DLG2: variants seen among roughly 807,000 people sequenced by gnomAD.
DLG2 encodes discs large MAGUK scaffold protein 2.
Under a neutral mutation model 132.5 loss-of-function variants are expected in DLG2, and 45 were observed. The ratio of observed to expected loss-of-function variants is 0.34; its 90% CI spans 0.27 to 0.44. DLG2 has a LOEUF of 0.44. DLG2 is among the 20% of genes least tolerant of loss of function. DLG2 has a pLI of 1.00. For missense variants in DLG2, 1,045 were observed against 1,196.9 expected, an observed-to-expected ratio of 0.87 and a Z score of 1.87; for synonymous variants, 424 against 419.6, an observed-to-expected ratio of 1.01 and a Z score of -0.13.
chr11:84,384,209 C>G (rs1057082267), intron 7 of DLG2, among the ~76,000 whole-genome samples: 1 of 150,318 alleles, frequency 6.7e-6, no homozygotes, highest in Non-Finnish European at 1.5e-5. Flanking sequence ...GCTATTTCAA[C>G]GTTAATAATC....
chr11:84,192,017 T>A (rs1048080087), intron 8 of DLG2, among the ~76,000 whole-genome samples: 8 of 152,130 alleles, frequency 5.3e-5, no homozygotes, highest in African/African-American at 1.9e-4. Flanking sequence ...AATAGCACTA[T>A]ACAGATTTGC....
chr11:84,186,437 A>C (rs1022241520), intron 8 of DLG2, among the ~76,000 whole-genome samples: 9 of 152,022 alleles, frequency 5.9e-5, no homozygotes, highest in South Asian at 2.1e-4. Flanking sequence ...GGACAAAAAG[A>C]GTCTTCCCAA....
chr11:83,725,024 GC>G, intron 18 of DLG2: 1 of 640,218 alleles, frequency 1.6e-6, no homozygotes, highest in Non-Finnish European at 2.9e-6. Context: ...TAGGAGTGAA[GC>G]AGGTAGGGCT....
At chr11:83,856,018 T>C (rs993707100) in intron 16 of DLG2, among the ~76,000 whole-genome samples, 1 of 152,148 alleles carries the variant, frequency 6.6e-6, no homozygotes, top group African/African-American at 2.4e-5. Context: ...CCCCAGTGTG[T>C]GTTGTTCCCC....
At position 84,099,764 on chromosome 11, in the gene DLG2, T is replaced by C. The variant is rs529194382; in HGVS notation, c.625-717A>G. Among the ~76,000 whole-genome samples the C allele has an allele frequency of 4.2e-4, 61 of 146,766 alleles. 1 individual carries two copies. Among genetic ancestry groups the C allele is most frequent in the African/African-American group, 1.3e-3 (54 of 40,208 alleles). On this transcript the variant is annotated intron_variant, in intron 9 of 27. Coordinates refer to ENST00000376104, the MANE Select transcript of DLG2 (RefSeq NM_001142699.3). ...GTATATATATATACATATATACATATATATACATACATCGCTTTCTAAAGA... is the reference window on the plus strand; with the variant it reads ...GTATATATATATACATATATACATACATATACATACATCGCTTTCTAAAGA...
intron 4 of DLG2, among the ~76,000 whole-genome samples, chr11:85,274,845 T>C (rs2077784933): frequency 6.6e-6 from 1 of 152,222 alleles, no homozygotes; most frequent in East Asian, 1.9e-4. Flanking sequence ...AAAAGAATGC[T>C]GCACAGAGAG....
At chr11:84,608,555 C>T (rs1458957465) in intron 6 of DLG2, among the ~76,000 whole-genome samples, 1 of 152,082 alleles carries the variant, frequency 6.6e-6, no homozygotes, top group Non-Finnish European at 1.5e-5. Flanking sequence ...CCAGTTATGG[C>T]TAAATTTGGA....
At chr11:85,542,875 G>A (rs1718813294) in intron 3 of DLG2, among the ~76,000 whole-genome samples, 1 of 152,216 alleles carries the variant, frequency 6.6e-6, no homozygotes, top group South Asian at 2.1e-4. Context: ...TAAGTTGTAT[G>A]TAGTCATATG....
At chr11:85,315,389 A>C (rs2080592144) in intron 3 of DLG2, among the ~76,000 whole-genome samples, 3 of 151,610 alleles carry the variant, frequency 2.0e-5, no homozygotes, top group African/African-American at 7.3e-5. Flanking sequence ...AGCTGCAAGG[A>C]CTCCCTGCAT....
intron 9 of DLG2, among the ~76,000 whole-genome samples, chr11:84,125,374 T>C (rs1165720836): frequency 6.6e-6 from 1 of 152,208 alleles, no homozygotes; most frequent in Admixed American, 6.5e-5. Flanking sequence ...GTACTTCCGA[T>C]GGTGCTTCAA....
chr11:83,511,560 G>A (rs964530095), intron 21 of DLG2, among the ~76,000 whole-genome samples: 1 of 151,884 alleles, frequency 6.6e-6, no homozygotes, highest in African/African-American at 2.4e-5. Context: ...GCATGAAAGG[G>A]GTTAGCATGG....
chr11:83,682,696 C>G (rs1435612422), intron 18 of DLG2, among the ~76,000 whole-genome samples: 1 of 152,098 alleles, frequency 6.6e-6, no homozygotes, highest in Non-Finnish European at 1.5e-5. Flanking sequence ...CATAGCCTGT[C>G]ACAGTCTACC....
intron 7 of DLG2, among the ~76,000 whole-genome samples, chr11:84,333,774 T>C (rs2098471644): frequency 6.6e-6 from 1 of 152,246 alleles, no homozygotes; most frequent in South Asian, 2.1e-4. Flanking sequence ...AGATCTCCTT[T>C]AATCCTAGTA....
intron 4 of DLG2, among the ~76,000 whole-genome samples, chr11:85,185,288 C>T (rs1353155620): frequency 6.6e-6 from 1 of 151,894 alleles, no homozygotes; most frequent in African/African-American, 2.4e-5. Flanking sequence ...TATAAAGAAG[C>T]TCTTGCTTAC....
Position 83,542,994 on chromosome 11 carries a change from A to G in DLG2, c.1941-1136T>C, listed in dbSNP as rs189566495. On this transcript the variant is annotated intron_variant, in intron 19 of 27. Transcript: ENST00000376104. ...TTTAGATTTTTCCACACTGAGGACC[A>G]AGTGTGGTTTCTTCTTCTTTTTTTT... Among the ~76,000 whole-genome samples, 50 of 152,292 alleles carry G rather than the reference A, an allele frequency of 3.3e-4. 1 individual carries two copies. The highest frequency in any genetic ancestry group is 3.3e-3 in the Admixed American group (50 of 15,276).
At chr11:85,386,912 T>C (rs908778133) in intron 3 of DLG2, among the ~76,000 whole-genome samples, 1 of 151,268 alleles carries the variant, frequency 6.6e-6, no homozygotes, top group African/African-American at 2.4e-5. Context: ...CTTTTTTTTT[T>C]AGATGGAGTT....
At chr11:84,084,101 C>T (rs1226137913) in intron 10 of DLG2, among the ~76,000 whole-genome samples, 1 of 151,624 alleles carries the variant, frequency 6.6e-6, no homozygotes, top group African/African-American at 2.4e-5. Flanking sequence ...TTATGAATAA[C>T]CCTAGGCTCA....
chr11:85,470,023 T>C (rs1349890614), intron 3 of DLG2, among the ~76,000 whole-genome samples: 1 of 152,152 alleles, frequency 6.6e-6, no homozygotes, highest in African/African-American at 2.4e-5. Flanking sequence ...TTCCTCTTCA[T>C]TCTTACTATT....
At chr11:84,216,837 A>G (rs956463962) in intron 8 of DLG2, among the ~76,000 whole-genome samples, 1 of 152,200 alleles carries the variant, frequency 6.6e-6, no homozygotes, top group Non-Finnish European at 1.5e-5. Context: ...TGATTTCCCT[A>G]CTACCTAAAT....
Sources: gnomAD v4.1 joint callset for allele counts (sites outside exome capture counted in the v4.1 genomes callset) on GRCh38, gnomAD v4.1.1 for gene constraint, MANE v1.5 for transcripts, NCBI Gene and HGNC (gene_info 2026-07-23, HGNC 2026-07-21) for gene names.